The following PLEKHG5 variants were observed in gnomAD, a reference collection of about 807,000 sequenced individuals.
The protein encoded by PLEKHG5 is pleckstrin homology and RhoGEF domain containing G5.
PLEKHG5 carries 52 observed loss-of-function variants against 103.8 expected under a neutral mutation model. The ratio of observed to expected loss-of-function variants is 0.50; its 90% CI spans 0.40 to 0.63. The LOEUF (loss-of-function observed/expected upper bound fraction) is 0.63. Among genes scored for constraint, PLEKHG5 ranks in the 30% least tolerant of loss-of-function variants. The pLI is 0.00. For synonymous variants in PLEKHG5, 592 were observed against 575.5 expected, an observed-to-expected ratio of 1.03 and a Z score of -0.41; for missense variants, 1,205 against 1,347.6, an observed-to-expected ratio of 0.89 and a Z score of 1.66.
At chr1:6,478,873 G>C (rs1451762707) in intron 1 of PLEKHG5, among the ~76,000 whole-genome samples, 2 of 152,040 alleles carry the variant, frequency 1.3e-5, no homozygotes, top group Non-Finnish European at 2.9e-5. Flanking sequence ...TGAACTCCTG[G>C]TCTCAGGTGA....
chr1:6,485,307 C>G (rs1006728494), intron 1 of PLEKHG5: 1 of 1,373,366 alleles, frequency 7.3e-7, no homozygotes, highest in Non-Finnish European at 9.4e-7. Flanking sequence ...CGTTCCCGCC[C>G]CGTCCCGGCC....
chr1:6,497,002 C>G (rs1268423140), upstream of PLEKHG5: 10 of 1,527,686 alleles, frequency 6.5e-6, no homozygotes, highest in Middle Eastern at 1.7e-4. The surrounding 1 kb of genome is among the most constrained non-coding windows in gnomAD (Gnocchi z 6.1). Flanking sequence ...CCCCGAAGGT[C>G]TGGGGCGACC....
At chr1:6,491,884 A>C (rs1645155868), upstream of PLEKHG5, among the ~76,000 whole-genome samples, 1 of 151,940 alleles carries the variant, frequency 6.6e-6, no homozygotes. The surrounding 1 kb of genome is among the most constrained non-coding windows in gnomAD (Gnocchi z 4.1). Flanking sequence ...CACTACCTCC[A>C]CTTCGGGGAT....
chr1:6,471,635 C>T lies in PLEKHG5; in HGVS notation c.1134G>A (p.Val378=), dbSNP rs1333512663. 6.3e-7 allele frequency: 1 copy of T among 1,584,600 alleles called. No homozygotes were observed. The highest frequency in any genetic ancestry group is 8.6e-7 in the Non-Finnish European group (1 of 1,166,116). Residue 378 remains valine, a splice_region_variant and synonymous_variant, in exon 12 of 21, where the codon GTG becomes GTA. Coordinates refer to ENST00000377728, the MANE Select transcript of PLEKHG5 (RefSeq NM_020631.6). ...TGTTGCTGAACAGGCGCTCCGCCTCCACCTGGGCGCGGCGGGAGGTGCGGT... is the reference window on the plus strand; with the variant it reads ...TGTTGCTGAACAGGCGCTCCGCCTCTACCTGGGCGCGGCGGGAGGTGCGGT... ...NLQESGLLCE[V]EAERLFSNIP...
At chr1:6,477,686 G>A in intron 1 of PLEKHG5, 28 bp from the exon 2 acceptor site, 1 of 1,599,318 alleles carries the variant, frequency 6.3e-7, no homozygotes, top group East Asian at 2.2e-5. Flanking sequence ...GCCTTCAGGA[G>A]GTCCACGAGA....
chr1:6,468,415 C>A lies in PLEKHG5; in HGVS notation c.2421G>T (p.Pro807=), dbSNP rs767407997. 1 of 1,612,048 alleles carries A rather than the reference C, an allele frequency of 6.2e-7. No individual in the cohort carries two copies. Among genetic ancestry groups the A allele is most frequent in the Non-Finnish European group, 8.5e-7 (1 of 1,179,426 alleles). Residue 807 remains proline, a synonymous_variant, in exon 20 of 21, where the codon CCG becomes CCT. Transcript: ENST00000377728. The part of the protein sequence containing the change: ...TPTSELLPLG[P]VDGRSCSMDS... Reference sequence around the variant, plus strand: ...CCATGGAGCAGGAGCGGCCGTCCACCGGACCCAGGGGCAGCAGCTCACTGG... The same window carrying A: ...CCATGGAGCAGGAGCGGCCGTCCACAGGACCCAGGGGCAGCAGCTCACTGG...
Position 6,501,828 on chromosome 1 carries a change from C to T in PLEKHG5, c.-164-5259G>A, listed in dbSNP as rs1645299983. ...TCATGACATGAGTGTCCCCTTTCCC[C>T]ACTGGTCCCAGGCTGACACAAGTGC... On this transcript the variant is annotated intron_variant, in intron 1 of 21. Coordinates refer to the PLEKHG5 transcript ENST00000377740. The surrounding 1 kb of genome is among the most constrained non-coding windows in gnomAD (Gnocchi z 4.3). Among the ~76,000 whole-genome samples the T allele has an allele frequency of 6.6e-6, 1 of 152,188 alleles. No individual in the cohort carries two copies.
chr1:6,485,023 G>C (rs1644992404), intron 1 of PLEKHG5, among the ~76,000 whole-genome samples: 1 of 152,180 alleles, frequency 6.6e-6, no homozygotes, highest in Non-Finnish European at 1.5e-5. Flanking sequence ...AAAGGAGAGG[G>C]GCGGCCCAGC....
At chr1:6,509,104 A>G (rs1443783398) in intron 1 of PLEKHG5, among the ~76,000 whole-genome samples, 1 of 152,160 alleles carries the variant, frequency 6.6e-6, no homozygotes, top group Non-Finnish European at 1.5e-5. Context: ...CGGGGGACTC[A>G]GTCCCCTGGA....
upstream of PLEKHG5, among the ~76,000 whole-genome samples, chr1:6,492,325 G>A (rs569964963): frequency 6.6e-6 from 1 of 152,264 alleles, no homozygotes; most frequent in South Asian, 2.1e-4. Flanking sequence ...TGTGACCTGG[G>A]ACGCCCTGAC....
At position 6,491,007 on chromosome 1, in the gene PLEKHG5, C is replaced by A. The variant is rs1177509381; in HGVS notation, c.-88+630G>T. Among the ~76,000 whole-genome samples, 1 of 152,148 alleles carries A rather than the reference C, an allele frequency of 6.6e-6. No individual in the cohort carries two copies. Among genetic ancestry groups the A allele is most frequent in the Non-Finnish European group, 1.5e-5 (1 of 68,018 alleles). ...CCCCGGAATCGCCCTGAGCCAGGTTCGCTTCCGCTCTATTGTAAAAAGCTG... is the reference window on the plus strand; with the variant it reads ...CCCCGGAATCGCCCTGAGCCAGGTTAGCTTCCGCTCTATTGTAAAAAGCTG... On this transcript the variant is annotated intron_variant, in intron 1 of 20. Transcript: ENST00000377728. The surrounding 1 kb of genome is among the most constrained non-coding windows in gnomAD (Gnocchi z 4.1).
In PLEKHG5 at chr1:6,467,986, T is replaced by G; in HGVS notation, c.2850A>C (p.Ala950=). 6.4e-7 allele frequency: 1 copy of G among 1,556,124 alleles called. No homozygotes were observed. Residue 950 remains alanine (A), a synonymous_variant, in exon 20 of 21, where the codon GCA becomes GCC. Coordinates refer to ENST00000377728, the MANE Select transcript of PLEKHG5 (RefSeq NM_020631.6). ...GLVGCLAGEP[A]GSHRKRCGDL... is the part of the protein sequence containing the mutation. ...CTCCACACCTCTTCCTGTGGGAGCC[T>G]GCAGGTTCCCCGGCCAGGCAGCCGA... is the stretch of plus-strand genomic sequence containing the variant.
rs1160578180 is a variant in PLEKHG5, at chr1:6,486,379, C to T, written c.-88+5258G>A. On this transcript the variant is annotated intron_variant, in intron 1 of 20. Transcript: ENST00000377728. The surrounding 1 kb of genome is among the most constrained non-coding windows in gnomAD (Gnocchi z 5.3). ...CAACCAGCTCTCATCTCAGCCCCTC[C>T]CATCAACCTGGAGACCCCTGCCCGA... 6.6e-6 allele frequency among the ~76,000 whole-genome samples: 1 copy of T among 152,128 alleles called. No homozygotes were observed. Among genetic ancestry groups the T allele is most frequent in the Non-Finnish European group, 1.5e-5 (1 of 68,008 alleles).
rs116164318 is a variant in PLEKHG5 at position 6,490,009 on chromosome 1, T to C, written c.-88+1628A>G. Among the ~76,000 whole-genome samples, 2,573 of 152,204 alleles carry C rather than the reference T, an allele frequency of 0.017. 77 individuals carry two copies. The highest frequency in any genetic ancestry group is 0.058 in the African/African-American group (2,419 of 41,530). On this transcript the variant is annotated intron_variant, in intron 1 of 20. Transcript: ENST00000377728. This position sits in a 1 kb window ranked among gnomAD's most constrained non-coding sequence, Gnocchi z 8.0. ...CCCCACCCCTAAGTGGGTGCCTGGG[T>C]CTGCTCAGACTGCCCGAGGCGCAGC...
chr1:6,475,441 C>A (rs752407429), intron 4 of PLEKHG5, 21 bp downstream of exon 4: 2 of 1,610,668 alleles, frequency 1.2e-6, no homozygotes, highest in Non-Finnish European at 1.7e-6. Context: ...CCGCATCTGC[C>A]GGCTCTGGGG....
Position 6,486,382 on chromosome 1 carries a change from T to C in PLEKHG5, c.-88+5255A>G, listed in dbSNP as rs1437586184. On this transcript the variant is annotated intron_variant, in intron 1 of 20. Transcript: ENST00000377728. This position sits in a 1 kb window ranked among gnomAD's most constrained non-coding sequence, Gnocchi z 5.3. ...CCAGCTCTCATCTCAGCCCCTCCCA[T>C]CAACCTGGAGACCCCTGCCCGAGAG... is the stretch of plus-strand genomic sequence containing the variant. 6.6e-6 allele frequency among the ~76,000 whole-genome samples: 1 copy of C among 151,584 alleles called. No individual in the cohort carries two copies. The highest frequency in any genetic ancestry group is 1.9e-4 in the East Asian group (1 of 5,146).
chr1:6,490,024 C>T lies in PLEKHG5; in HGVS notation c.-88+1613G>A, dbSNP rs1557762042. Among the ~76,000 whole-genome samples the T allele has an allele frequency of 6.6e-6, 1 of 152,164 alleles. No individual in the cohort carries two copies. Among genetic ancestry groups the T allele is most frequent in the Non-Finnish European group, 1.5e-5 (1 of 68,018 alleles). On this transcript the variant is annotated intron_variant, in intron 1 of 20. Coordinates refer to ENST00000377728, the MANE Select transcript of PLEKHG5 (RefSeq NM_020631.6). This position sits in a 1 kb window ranked among gnomAD's most constrained non-coding sequence, Gnocchi z 8.0. ...GGTGCCTGGGTCTGCTCAGACTGCC[C>T]GAGGCGCAGCCTCTGGCGCCCCCTG...
chr1:6,516,020 G>A (rs569543039), intron 1 of PLEKHG5, among the ~76,000 whole-genome samples: 1 of 152,340 alleles, frequency 6.6e-6, no homozygotes, highest in South Asian at 2.1e-4. Flanking sequence ...GAATGAAATT[G>A]CTCACAGCCT....
At chr1:6,489,820 T>G (rs879357055) in intron 1 of PLEKHG5, among the ~76,000 whole-genome samples, 3 of 152,176 alleles carry the variant, frequency 2.0e-5, no homozygotes, top group Non-Finnish European at 4.4e-5. Flanking sequence ...GGTCCTAGTG[T>G]GTGCCCGGAC....
Sources: allele counts gnomAD v4.1 joint callset (sites outside exome capture counted in the v4.1 genomes callset), GRCh38; gene constraint gnomAD v4.1.1; non-coding constraint Gnocchi (gnomAD v3.1); transcripts MANE v1.5; gene names NCBI Gene and HGNC (gene_info 2026-07-23, HGNC 2026-07-21).